LAMA2: variants seen among roughly 807,000 people sequenced by gnomAD.
LAMA2 encodes the protein laminin subunit alpha 2.
In LAMA2, 269 loss-of-function variants were observed where a neutral mutation model predicts 364.8. That is an observed-to-expected ratio of 0.74 (90% CI 0.67 to 0.82). LAMA2 has a LOEUF of 0.82. Among genes scored for constraint, LAMA2 ranks in the 40% least tolerant of loss-of-function variants. LAMA2 has a pLI of 0.00. For synonymous variants in LAMA2, 1,379 were observed against 1,370.6 expected, an observed-to-expected ratio of 1.01 and a Z score of -0.14; for missense variants, 3,807 against 3,873.2, an observed-to-expected ratio of 0.98 and a Z score of 0.45.
At chr6:128,981,848 A>T (rs73588847) in intron 1 of LAMA2, among the ~76,000 whole-genome samples, 3,607 of 152,224 alleles carry the variant, frequency 0.024, 127 homozygotes, top group African/African-American at 0.083. Context: ...GCAGACATTC[A>T]ACCCACAGGT....
intron 1 of LAMA2, among the ~76,000 whole-genome samples, chr6:129,020,092 GAAAAAAAAAGAA>G (rs1785336626): frequency 6.6e-5 from 4 of 60,594 alleles, no homozygotes; most frequent in East Asian, 6.2e-4. Flanking sequence ...ATCTCAAAAA[GAAAAAAAAAGAA>G]AAAAAAAAAA....
At chr6:128,995,756 A>G (rs773497092) in intron 1 of LAMA2, among the ~76,000 whole-genome samples, 1 of 152,008 alleles carries the variant, frequency 6.6e-6, no homozygotes, top group Non-Finnish European at 1.5e-5. Flanking sequence ...GTTAAAATCA[A>G]TTTTTGCAGA....
In LAMA2 at chr6:129,190,358, C is replaced by A. The variant is rs1471830144; in HGVS notation, c.1608+13C>A. 3 of 1,612,302 alleles carry A rather than the reference C, an allele frequency of 1.9e-6. No homozygotes were observed. The highest frequency in any genetic ancestry group is 2.5e-6 in the Non-Finnish European group (3 of 1,178,756). ...GACCTATGGCAAAGTAAGCAAGCAC[C>A]ATTTGGTTCTGTTTGCTGCCCCAGC... is the stretch of plus-strand genomic sequence containing the variant. On this transcript the variant is annotated intron_variant, in intron 11 of 64. Coordinates refer to ENST00000421865, the MANE Select transcript of LAMA2 (RefSeq NM_000426.4).
intron 2 of LAMA2, among the ~76,000 whole-genome samples, chr6:129,055,718 C>T (rs927704814): frequency 3.9e-5 from 6 of 152,132 alleles, no homozygotes; most frequent in African/African-American, 1.2e-4. Flanking sequence ...GCAAAGAAAA[C>T]GAACCTTGAA....
At chr6:129,042,346 T>G (rs1182689620) in intron 1 of LAMA2, among the ~76,000 whole-genome samples, 3 of 152,146 alleles carry the variant, frequency 2.0e-5, no homozygotes, top group Admixed American at 6.6e-5. Flanking sequence ...TTTAACATGT[T>G]TGAGTAGGGA....
chr6:128,930,515 T>A (rs1470634263), intron 1 of LAMA2, among the ~76,000 whole-genome samples: 2 of 152,172 alleles, frequency 1.3e-5, no homozygotes, highest in African/African-American at 4.8e-5. Context: ...TCCAGATGGA[T>A]GCCTGAGTGT....
intron 17 of LAMA2, among the ~76,000 whole-genome samples, chr6:129,274,861 T>C (rs918020395): frequency 1.3e-5 from 2 of 151,986 alleles, no homozygotes; most frequent in East Asian, 1.9e-4. Context: ...AAATAAAATA[T>C]GAAAGAGACA....
At chr6:129,192,633 G>A (rs1167823442) in intron 11 of LAMA2, 47 bp from the exon 12 acceptor site, 1 of 1,555,660 alleles carries the variant, frequency 6.4e-7, no homozygotes, top group East Asian at 2.2e-5. Context: ...AAAAGCAGCT[G>A]ATAGATATTT....
Position 129,190,285 on chromosome 6 carries a change from T to A in LAMA2, c.1548T>A (p.Asp516Glu), listed in dbSNP as rs1433294932. ...AAGAGGATAATTGGAAAGGCTGCGATGAGTGTTTCTGTTCAGGGGTTTCAA... is the reference window on the plus strand; with the variant it reads ...AAGAGGATAATTGGAAAGGCTGCGAAGAGTGTTTCTGTTCAGGGGTTTCAA... ...NLQEDNWKGCDECFCSGVSNR... is the reference protein window; with the variant it reads ...NLQEDNWKGCEECFCSGVSNR... Residue 516 changes from aspartate to glutamate, a missense_variant, in exon 11 of 65, where the codon GAT becomes GAA. Coordinates refer to ENST00000421865, the MANE Select transcript of LAMA2 (RefSeq NM_000426.4). 14 of 1,613,604 alleles carry A rather than the reference T, an allele frequency of 8.7e-6. No homozygotes were observed. Among genetic ancestry groups the A allele is most frequent in the Non-Finnish European group, 1.2e-5 (14 of 1,179,664 alleles).
intron 55 of LAMA2, 152 bp from the exon 56 acceptor site, chr6:129,486,322 C>T (rs1784580207): frequency 6.8e-6 from 5 of 736,916 alleles, no homozygotes; most frequent in Non-Finnish European, 1.2e-5. Flanking sequence ...AAGATATTTC[C>T]AGCTGTTTTC....
intron 1 of LAMA2, among the ~76,000 whole-genome samples, chr6:128,945,938 TAATC>T (rs1474029068): frequency 6.6e-6 from 1 of 152,230 alleles, no homozygotes; most frequent in Admixed American, 6.5e-5. Flanking sequence ...GCACCCAACT[TAATC>T]AAGTGAACTC....
chr6:129,066,723 CAG>C (rs1789385591), intron 3 of LAMA2, among the ~76,000 whole-genome samples: 1 of 152,168 alleles, frequency 6.6e-6, no homozygotes, highest in Non-Finnish European at 1.5e-5. Flanking sequence ...AACTTAAAAA[CAG>C]ATACATAGAC....
intron 56 of LAMA2, chr6:129,490,714 G>A (rs1300239092): frequency 1.3e-5 from 2 of 152,086 alleles, no homozygotes; most frequent in African/African-American, 4.8e-5. Flanking sequence ...GGAAACCACC[G>A]ACACTCTTAG....
At chr6:129,499,314 C>T (rs55835842) in intron 58 of LAMA2, among the ~76,000 whole-genome samples, 5,222 of 151,914 alleles carry the variant, frequency 0.034, 196 homozygotes, top group African/African-American at 0.09. Flanking sequence ...GAGATTAGTG[C>T]GTCCAAAACA....
intron 12 of LAMA2, among the ~76,000 whole-genome samples, chr6:129,204,556 C>T (rs1782500719): frequency 6.6e-6 from 1 of 151,916 alleles, no homozygotes; most frequent in South Asian, 2.1e-4. Flanking sequence ...TGGCCATTCA[C>T]AAGCAAAGGA....
intron 29 of LAMA2, among the ~76,000 whole-genome samples, chr6:129,331,115 A>C (rs1221959764): frequency 2.0e-5 from 3 of 151,950 alleles, no homozygotes; most frequent in Non-Finnish European, 4.4e-5. Context: ...ATGATCCATG[A>C]TTCGCCTCCT....
intron 1 of LAMA2, among the ~76,000 whole-genome samples, chr6:128,944,381 A>G (rs1013640926): frequency 1.3e-5 from 2 of 152,232 alleles, no homozygotes; most frequent in African/African-American, 4.8e-5. Context: ...TTACTAGGTT[A>G]AATCTGGAAA....
intron 15 of LAMA2, among the ~76,000 whole-genome samples, chr6:129,263,403 A>G (rs1787276941): frequency 6.6e-6 from 1 of 152,176 alleles, no homozygotes; most frequent in African/African-American, 2.4e-5. Context: ...TATGAAGGTT[A>G]GAAAGTCTAC....
intron 17 of LAMA2, 116 bp downstream of exon 17, chr6:129,270,867 G>A: frequency 9.0e-7 from 1 of 1,114,796 alleles, no homozygotes. Flanking sequence ...ACACAGACAT[G>A]AATTTTTTCA....
Sources: gnomAD v4.1 joint callset for allele counts (sites outside exome capture counted in the v4.1 genomes callset) on GRCh38, gnomAD v4.1.1 for gene constraint, MANE v1.5 for transcripts, NCBI Gene and HGNC (gene_info 2026-07-23, HGNC 2026-07-21) for gene names.